The following ADGRL2 variants were observed in gnomAD, a reference collection of about 807,000 sequenced individuals.
The protein encoded by ADGRL2 is adhesion G protein-coupled receptor L2.
Under a neutral mutation model 157.4 loss-of-function variants are expected in ADGRL2, and 44 were observed. The observed-to-expected ratio is 0.28, with a 90% CI of 0.22 to 0.36. The LOEUF is 0.36. Among genes scored for constraint, ADGRL2 ranks in the 10% least tolerant of loss-of-function variants. The probability of loss-of-function intolerance (pLI) is 1.00; values close to 1 mark genes in which losing one functional copy is unlikely to be tolerated. For synonymous variants in ADGRL2, 585 were observed against 624.7 expected (o/e 0.94, Z 0.95); for missense variants, 1,510 against 1,768.9 (o/e 0.85, Z 2.63).
rs1664418457 is a variant in ADGRL2 at position 81,990,614 on chromosome 1, C to T, written c.3879C>T (p.Leu1293=). ...RGSSKTHNLE[L]TLPVKPVIGG... is the part of the protein sequence containing the mutation. ...GCAGCAAGACTCACAACCTCGAGCTCACGCTACCAGTCAAACCTGTGATTG... is the reference window on the plus strand; with the variant it reads ...GCAGCAAGACTCACAACCTCGAGCTTACGCTACCAGTCAAACCTGTGATTG... The change falls in exon 24 of 24, where the codon CTC becomes CTT. Residue 1293 remains leucine (L), a synonymous_variant. Coordinates refer to ENST00000686636, the MANE Select transcript of ADGRL2 (RefSeq NM_001366006.2). The T allele has an allele frequency of 6.2e-7, 1 of 1,614,022 alleles. No individual in the cohort carries two copies. Among genetic ancestry groups the T allele is most frequent in the Admixed American group, 1.7e-5 (1 of 59,992 alleles).
chr1:81,537,221 T>C (rs769971813), intron 2 of ADGRL2, among the ~76,000 whole-genome samples: 3 of 152,234 alleles, frequency 2.0e-5, no homozygotes, highest in African/African-American at 2.4e-5. Context: ...CAGAAACACA[T>C]ACATCTGTGC....
upstream of ADGRL2, among the ~76,000 whole-genome samples, chr1:81,800,909 A>T (rs1486064828): frequency 2.7e-5 from 4 of 149,272 alleles, no homozygotes; most frequent in Non-Finnish European, 6.0e-5. Context: ...GAGCTGGCGC[A>T]GGCCGCCTCC....
rs189614244 is a variant in ADGRL2 at position 81,495,918 on chromosome 1, C to G, written c.-248+50829C>G. Among the ~76,000 whole-genome samples the G allele has an allele frequency of 2.5e-3, 376 of 152,258 alleles. 1 individual carries two copies. Among genetic ancestry groups the G allele is most frequent in the Non-Finnish European group, 4.6e-3 (313 of 68,006 alleles). On this transcript the variant is annotated intron_variant, in intron 2 of 24. Coordinates refer to the ADGRL2 transcript ENST00000370721. The stretch of plus-strand genomic sequence containing the variant: ...TGAGAGGGTACAAACATCCATTGCT[C>G]TTTGTCAAGTTGAATATTTAACCCT...
At chr1:81,534,480 G>A (rs929516096) in intron 2 of ADGRL2, among the ~76,000 whole-genome samples, 1 of 152,096 alleles carries the variant, frequency 6.6e-6, no homozygotes, top group African/African-American at 2.4e-5. Flanking sequence ...AGTTATTTTA[G>A]AAGAAAATAC....
chr1:81,971,089 T>C (rs1658594640), intron 16 of ADGRL2, among the ~76,000 whole-genome samples: 1 of 152,174 alleles, frequency 6.6e-6, no homozygotes, highest in South Asian at 2.1e-4. Context: ...GTCATGTTTC[T>C]AAGGATTTTA....
chr1:81,731,790 T>G (rs1022979468), intron 1 of ADGRL2, among the ~76,000 whole-genome samples: 16 of 152,234 alleles, frequency 1.1e-4, no homozygotes, highest in African/African-American at 3.4e-4. Flanking sequence ...CTTTGCGGTT[T>G]GTTAATTCAT....
At chr1:81,688,577 GT>G (rs1439000106) in intron 3 of ADGRL2, among the ~76,000 whole-genome samples, 1 of 151,744 alleles carries the variant, frequency 6.6e-6, no homozygotes, top group Non-Finnish European at 1.5e-5. Flanking sequence ...TTCACTTATT[GT>G]GTCATTGTTT....
intron 17 of ADGRL2, 30 bp downstream of exon 17, chr1:81,971,948 T>C: frequency 6.7e-7 from 1 of 1,498,182 alleles, no homozygotes; most frequent in Non-Finnish European, 9.3e-7. Flanking sequence ...CCTTGCTTTT[T>C]AGCTTGCTGC....
intron 3 of ADGRL2, among the ~76,000 whole-genome samples, chr1:81,915,012 T>C (rs189371136): frequency 6.6e-6 from 1 of 152,298 alleles, no homozygotes; most frequent in Admixed American, 6.5e-5. Context: ...AGATAAATTA[T>C]CTAAATATCT....
At chr1:81,325,724 A>G (rs1391637023) in intron 1 of ADGRL2, among the ~76,000 whole-genome samples, 1 of 152,188 alleles carries the variant, frequency 6.6e-6, no homozygotes. Context: ...TGTTGTGCTT[A>G]AACTTAGCTT....
intron 18 of ADGRL2, chr1:81,980,893 A>G (rs1246217754): frequency 3.2e-6 from 2 of 622,022 alleles, no homozygotes; most frequent in Admixed American, 4.4e-5. Flanking sequence ...ATTTTTTACA[A>G]ATTCGTCAGT....
chr1:81,860,838 G>T (rs899963326), intron 2 of ADGRL2, among the ~76,000 whole-genome samples: 5 of 152,022 alleles, frequency 3.3e-5, no homozygotes, highest in Non-Finnish European at 5.9e-5. Context: ...AATTTTCCTT[G>T]CCTTTAGTTT....
chr1:81,720,614 A>G (rs1230267624), intron 1 of ADGRL2, among the ~76,000 whole-genome samples: 3 of 152,184 alleles, frequency 2.0e-5, no homozygotes, highest in Non-Finnish European at 2.9e-5. Flanking sequence ...AAAGAGATAT[A>G]AAATTAAATA....
intron 2 of ADGRL2, among the ~76,000 whole-genome samples, chr1:81,788,549 C>T (rs1472765153): frequency 6.6e-6 from 1 of 152,174 alleles, no homozygotes; most frequent in African/African-American, 2.4e-5. Context: ...AACTTCTTTT[C>T]CCTATGAATT....
intron 2 of ADGRL2, among the ~76,000 whole-genome samples, chr1:81,515,870 C>G (rs186351795): frequency 2.0e-5 from 3 of 152,094 alleles, no homozygotes; most frequent in African/African-American, 7.2e-5. Context: ...ATCTTCTTTT[C>G]TTCTTTTATG....
chr1:81,587,835 T>G lies in ADGRL2; in HGVS notation c.-143+6855T>G, dbSNP rs2081057728. On this transcript the variant is annotated intron_variant, in intron 3 of 24. Coordinates refer to the ADGRL2 transcript ENST00000370721. ...CTGTGAAAATAAATTAAGGAGGGAT[T>G]TTAGGTTTAGGAGGTATAATTAAAA... Among the ~76,000 whole-genome samples, 3 of 151,990 alleles carry G rather than the reference T, an allele frequency of 2.0e-5. No individual in the cohort carries two copies. In the South Asian group the frequency reaches 6.2e-4, roughly 32 times the overall value.
intron 1 of ADGRL2, among the ~76,000 whole-genome samples, chr1:81,315,437 C>T (rs1020150405): frequency 7.9e-5 from 12 of 151,974 alleles, no homozygotes; most frequent in African/African-American, 2.7e-4. Context: ...CACTGGGGGT[C>T]TTTTATAATG....
At chr1:81,586,017 T>C (rs994466028) in intron 3 of ADGRL2, 4 of 152,012 alleles carry the variant, frequency 2.6e-5, no homozygotes, top group African/African-American at 9.7e-5. Context: ...ATATAATAAA[T>C]ATAAAATTTA....
chr1:81,448,398 G>A (rs561767223), intron 2 of ADGRL2, among the ~76,000 whole-genome samples: 8 of 151,716 alleles, frequency 5.3e-5, no homozygotes, highest in South Asian at 2.1e-4. Context: ...CACCTACCTC[G>A]GCCTCCCAAA....
Sources: gnomAD v4.1 joint callset for allele counts (sites outside exome capture counted in the v4.1 genomes callset) on GRCh38, gnomAD v4.1.1 for gene constraint, MANE v1.5 for transcripts, NCBI Gene and HGNC (gene_info 2026-07-23, HGNC 2026-07-21) for gene names.